The following UNC13C variants were observed in gnomAD, a reference collection of about 807,000 sequenced individuals.
The protein encoded by UNC13C is unc-13 homolog C.
Under a neutral mutation model 245.4 loss-of-function variants are expected in UNC13C, and 174 were observed. That is an observed-to-expected ratio of 0.71 (90% CI 0.63 to 0.80). UNC13C has a LOEUF of 0.80. Among genes scored for constraint, UNC13C ranks in the 30% least tolerant of loss-of-function variants. The pLI, the probability that UNC13C is intolerant of heterozygous loss-of-function variation, is 0.00. For synonymous variants in UNC13C, 992 were observed against 895.1 expected (o/e 1.11, Z -1.93); for missense variants, 2,829 against 2,602.9 (o/e 1.09, Z -1.89).
At chr15:54,556,767 C>T (rs557227000) in intron 29 of UNC13C, among the ~76,000 whole-genome samples, 226 of 151,660 alleles carry the variant, frequency 1.5e-3, no homozygotes, top group African/African-American at 5.4e-3. Flanking sequence ...TAAGCTCTAG[C>T]ATGCACCATG....
chr15:53,964,214 G>A, the UNC13C span, among the ~76,000 whole-genome samples: 1 of 152,072 alleles, frequency 6.6e-6, no homozygotes, highest in East Asian at 1.9e-4. Context: ...CATTCTAAAT[G>A]GTGTATGCAG....
chr15:54,223,004 G>A (rs1227746757), intron 4 of UNC13C, among the ~76,000 whole-genome samples: 11 of 150,834 alleles, frequency 7.3e-5, no homozygotes, highest in East Asian at 2.1e-4. Context: ...ATCTCTTGTC[G>A]CATGGATAGA....
chr15:54,388,849 A>G (rs529130238), intron 17 of UNC13C, among the ~76,000 whole-genome samples: 1 of 152,240 alleles, frequency 6.6e-6, no homozygotes, highest in South Asian at 2.1e-4. Context: ...ATCTACATCA[A>G]CATGTTCAGA....
intron 4 of UNC13C, among the ~76,000 whole-genome samples, chr15:54,159,470 A>C (rs1309339977): frequency 2.0e-5 from 3 of 152,230 alleles, no homozygotes; most frequent in Non-Finnish European, 4.4e-5. Context: ...GAGGATGCAG[A>C]TGCCTAAGGC....
the UNC13C span, among the ~76,000 whole-genome samples, chr15:53,910,476 CTG>C: frequency 6.8e-6 from 1 of 146,940 alleles, no homozygotes; most frequent in East Asian, 2.0e-4. Context: ...CCTGTTGACA[CTG>C]TGCACAAGAG....
chr15:54,307,008 T>C (rs2037742027), intron 13 of UNC13C, among the ~76,000 whole-genome samples: 1 of 152,050 alleles, frequency 6.6e-6, no homozygotes, highest in African/African-American at 2.4e-5. Flanking sequence ...GAAACATTTC[T>C]ATGGTTACAG....
intron 4 of UNC13C, among the ~76,000 whole-genome samples, chr15:54,193,733 A>G (rs939003244): frequency 5.9e-5 from 9 of 152,212 alleles, no homozygotes; most frequent in Non-Finnish European, 5.9e-5. Context: ...GACTTGTACT[A>G]TAAGGCCATC....
At chr15:53,854,413 C>G in the UNC13C span, among the ~76,000 whole-genome samples, 1 of 151,988 alleles carries the variant, frequency 6.6e-6, no homozygotes, top group Admixed American at 6.6e-5. Flanking sequence ...GCCACCATGC[C>G]TGGCCAAGTT....
chr15:54,130,308 T>G lies in UNC13C; in HGVS notation c.2984-12710T>G, dbSNP rs112890611. 3.2e-3 allele frequency among the ~76,000 whole-genome samples: 380 copies of G among 119,272 alleles called. 2 individuals carry two copies. Among genetic ancestry groups the G allele is most frequent in the Middle Eastern group, 5.3e-3 (1 of 188 alleles). 78.2% of individuals were successfully genotyped at this position (119,272 alleles called of 152,430 possible). A position where few individuals can be genotyped will look rare whatever the true frequency, so the allele number is the denominator to read the frequency against. On this transcript the variant is annotated intron_variant, in intron 2 of 32. Coordinates refer to ENST00000260323, the MANE Select transcript of UNC13C (RefSeq NM_001080534.3). Reference sequence around the variant, plus strand: ...ATTAATTTTTTTTTTTTTTTTTTTTTGTGAGACGGAGTCTCAGTCTGTCTC... The same window carrying G: ...ATTAATTTTTTTTTTTTTTTTTTTTGGTGAGACGGAGTCTCAGTCTGTCTC...
Position 54,333,832 on chromosome 15 carries a change from A to C in UNC13C, c.4560A>C (p.Thr1520=). 5 of 1,605,188 alleles carry C rather than the reference A, an allele frequency of 3.1e-6. No homozygotes were observed. Among genetic ancestry groups the C allele is most frequent in the Non-Finnish European group, 4.3e-6 (5 of 1,175,218 alleles). Residue 1520 remains threonine, a synonymous_variant, in exon 16 of 33, where the codon ACA becomes ACC. Transcript: ENST00000260323. ...QDLKSTVDLL[T]SITFFRMKVL... is the part of the protein sequence containing the mutation. ...TGAAATCAACTGTTGACCTGTTAAC[A>C]AGTATCACCTTTTTTAGGATGAAGG...
the UNC13C span, among the ~76,000 whole-genome samples, chr15:53,946,678 T>G: frequency 6.7e-6 from 1 of 149,360 alleles, no homozygotes; most frequent in East Asian, 2.0e-4. Context: ...CTGAGGTTTT[T>G]TTTTTTTTTT....
intron 4 of UNC13C, among the ~76,000 whole-genome samples, chr15:54,204,867 C>G (rs1047157572): frequency 2.0e-5 from 3 of 151,942 alleles, no homozygotes; most frequent in African/African-American, 7.2e-5. Flanking sequence ...GTAGAAAATA[C>G]ATGAGTGATT....
chr15:54,444,692 G>A (rs1890710180), intron 19 of UNC13C, among the ~76,000 whole-genome samples: 1 of 151,314 alleles, frequency 6.6e-6, no homozygotes, highest in South Asian at 2.1e-4. Context: ...TAATTTTTTT[G>A]TGTGTGCTCT....
chr15:54,364,226 T>C (rs2039304120), intron 17 of UNC13C, among the ~76,000 whole-genome samples: 1 of 152,186 alleles, frequency 6.6e-6, no homozygotes, highest in South Asian at 2.1e-4. Context: ...TGACATTTAA[T>C]CTATTTTATA....
chr15:54,382,293 A>G (rs113809517), intron 17 of UNC13C, among the ~76,000 whole-genome samples: 2 of 152,312 alleles, frequency 1.3e-5, no homozygotes, highest in African/African-American at 4.8e-5. Context: ...ATAAACAAAA[A>G]GTGAGGCTGG....
chr15:54,124,478 A>G (rs1193088295), intron 2 of UNC13C, among the ~76,000 whole-genome samples: 2 of 152,158 alleles, frequency 1.3e-5, no homozygotes, highest in Non-Finnish European at 2.9e-5. Flanking sequence ...CAGTTTCCAT[A>G]TTAGATTTTT....
At position 54,596,471 on chromosome 15, in the gene UNC13C, G is replaced by T. The variant is rs554518286; in HGVS notation, c.6107-25856G>T. On this transcript the variant is annotated intron_variant, in intron 30 of 32. Coordinates refer to ENST00000260323, the MANE Select transcript of UNC13C (RefSeq NM_001080534.3). ...CTGTAAGTCCCAGGCTTGCTTTGAG[G>T]AGTTACCCTCTGATAAGCATATGCA... is the stretch of plus-strand genomic sequence containing the variant. Among the ~76,000 whole-genome samples, 5 of 152,260 alleles carry T rather than the reference G, an allele frequency of 3.3e-5. No homozygotes were observed. In the East Asian group the frequency reaches 9.7e-4, roughly 29 times the overall value.
At chr15:54,084,962 G>T (rs1242112985) in intron 2 of UNC13C, among the ~76,000 whole-genome samples, 2 of 152,108 alleles carry the variant, frequency 1.3e-5, no homozygotes, top group East Asian at 3.9e-4. Flanking sequence ...AAGTAGTTTT[G>T]ATATGTGGCA....
chr15:54,321,908 T>C, intron 13 of UNC13C, 31 bp from the exon 14 acceptor site: 1 of 1,540,924 alleles, frequency 6.5e-7, no homozygotes, highest in African/African-American at 1.4e-5. Context: ...AATTTCTGTC[T>C]TAAAAACACT....
Sources: gnomAD v4.1 joint callset for allele counts (sites outside exome capture counted in the v4.1 genomes callset) on GRCh38, gnomAD v4.1.1 for gene constraint, MANE v1.5 for transcripts, NCBI Gene and HGNC (gene_info 2026-07-23, HGNC 2026-07-21) for gene names.